The following ITGBL1 variants were observed in gnomAD, a reference collection of about 807,000 sequenced individuals.
The protein encoded by ITGBL1 is integrin subunit beta like 1, also known as integrin beta-like protein 1.
In ITGBL1, 51 loss-of-function variants were observed where a neutral mutation model predicts 68.5. The ratio of observed to expected loss-of-function variants is 0.74; its 90% CI spans 0.59 to 0.94. The LOEUF (loss-of-function observed/expected upper bound fraction) is 0.94, where lower values mean the gene tolerates loss of function less well. ITGBL1 is among the 40% of genes least tolerant of loss of function. The pLI, the probability that ITGBL1 is intolerant of heterozygous loss-of-function variation, is 0.00. For missense variants in ITGBL1, 649 were observed against 647.4 expected (o/e 1.00, Z -0.03); for synonymous variants, 209 against 227.3 (o/e 0.92, Z 0.72).
intron 2 of ITGBL1, among the ~76,000 whole-genome samples, chr13:101,500,554 A>G (rs1037079903): frequency 6.6e-6 from 1 of 152,220 alleles, no homozygotes; most frequent in African/African-American, 2.4e-5. Flanking sequence ...ATCATTTACT[A>G]ATGAATCCTC....
At chr13:101,484,985 GA>G (rs1413729264) in intron 2 of ITGBL1, among the ~76,000 whole-genome samples, 1 of 152,000 alleles carries the variant, frequency 6.6e-6, no homozygotes, top group African/African-American at 2.4e-5. Context: ...AGCATCTAGA[GA>G]AAAAACCGTA....
chr13:101,653,456 C>T (rs535718415), intron 7 of ITGBL1, among the ~76,000 whole-genome samples: 3 of 152,092 alleles, frequency 2.0e-5, no homozygotes, highest in Non-Finnish European at 4.4e-5. Flanking sequence ...GGAAATGCAG[C>T]ACTAAAAACA....
At chr13:101,517,731 A>G (rs1230697648) in intron 2 of ITGBL1, among the ~76,000 whole-genome samples, 1 of 152,226 alleles carries the variant, frequency 6.6e-6, no homozygotes, top group African/African-American at 2.4e-5. Context: ...AGTGTGGTGG[A>G]GGGTTAATCT....
intron 7 of ITGBL1, among the ~76,000 whole-genome samples, chr13:101,603,852 G>A (rs544532914): frequency 6.6e-6 from 1 of 151,858 alleles, no homozygotes; most frequent in African/African-American, 2.4e-5. Flanking sequence ...GAGAACTTTA[G>A]GTACAGTGAT....
At chr13:101,550,761 C>T (rs1594884781) in intron 2 of ITGBL1, among the ~76,000 whole-genome samples, 1 of 152,160 alleles carries the variant, frequency 6.6e-6, no homozygotes, top group Non-Finnish European at 1.5e-5. Context: ...TTAAACTTCA[C>T]ATTCTTTATC....
Position 101,483,983 on chromosome 13 carries a change from A to G in ITGBL1, c.316+29883A>G, listed in dbSNP as rs924789709. ...CCTGAAATGGAAAAACAGTACTTCAAAGTTGAGGCTCTGTGGAACTTCGTC... is the reference window on the plus strand; with the variant it reads ...CCTGAAATGGAAAAACAGTACTTCAGAGTTGAGGCTCTGTGGAACTTCGTC... On this transcript the variant is annotated intron_variant, in intron 2 of 10. Transcript: ENST00000376180. Among the ~76,000 whole-genome samples the G allele has an allele frequency of 3.3e-5, 5 of 152,178 alleles. No individual in the cohort carries two copies. The East Asian group carries it at 9.6e-4, about 29-fold the overall frequency.
intron 2 of ITGBL1, among the ~76,000 whole-genome samples, chr13:101,545,484 G>T (rs761883027): frequency 6.6e-6 from 1 of 152,012 alleles, no homozygotes; most frequent in Non-Finnish European, 1.5e-5. Flanking sequence ...GAAGAGAACA[G>T]AAAACATAGA....
At chr13:101,534,989 T>G (rs2049547721) in intron 2 of ITGBL1, among the ~76,000 whole-genome samples, 1 of 152,140 alleles carries the variant, frequency 6.6e-6, no homozygotes, top group African/African-American at 2.4e-5. Context: ...ACCACCATGC[T>G]TATGGCCTTC....
At chr13:101,528,621 A>T (rs1031879163) in intron 2 of ITGBL1, among the ~76,000 whole-genome samples, 2 of 151,744 alleles carry the variant, frequency 1.3e-5, no homozygotes, top group African/African-American at 4.8e-5. Context: ...TTTATTTGTG[A>T]TTTCTTATTT....
intron 8 of ITGBL1, among the ~76,000 whole-genome samples, chr13:101,694,645 C>A (rs2033962618): frequency 6.6e-6 from 1 of 152,130 alleles, no homozygotes; most frequent in Non-Finnish European, 1.5e-5. Context: ...TGATCTTGAA[C>A]TCCTGGGCTC....
At chr13:101,638,161 G>A (rs2139423866) in intron 7 of ITGBL1, among the ~76,000 whole-genome samples, 1 of 152,302 alleles carries the variant, frequency 6.6e-6, no homozygotes, top group East Asian at 1.9e-4. Flanking sequence ...GGAAGCTCAA[G>A]TCTTCCTCCT....
intron 3 of ITGBL1, among the ~76,000 whole-genome samples, chr13:101,569,027 C>CACACAG (rs2050228461): frequency 1.4e-5 from 1 of 69,318 alleles, no homozygotes; most frequent in Non-Finnish European, 2.8e-5. Flanking sequence ...CCCCTCCAAA[C>CACACAG]ACACACACAC....
At chr13:101,709,150 G>A (rs1049405023) in intron 9 of ITGBL1, among the ~76,000 whole-genome samples, 14 of 151,844 alleles carry the variant, frequency 9.2e-5, no homozygotes, top group Middle Eastern at 3.2e-3. Flanking sequence ...TGGATCATGA[G>A]GTCAGGAGAT....
intron 2 of ITGBL1, among the ~76,000 whole-genome samples, chr13:101,544,815 C>G (rs2049788188): frequency 6.6e-6 from 1 of 152,158 alleles, no homozygotes; most frequent in African/African-American, 2.4e-5. Flanking sequence ...GCTGTGCTAG[C>G]AATGAGCAAG....
At chr13:101,540,485 G>C (rs2049675115) in intron 2 of ITGBL1, among the ~76,000 whole-genome samples, 1 of 152,244 alleles carries the variant, frequency 6.6e-6, no homozygotes, top group Non-Finnish European at 1.5e-5. Flanking sequence ...GTCAGGTAGT[G>C]TGATGCCTCC....
At chr13:101,688,616 T>C (rs2033810272) in intron 7 of ITGBL1, among the ~76,000 whole-genome samples, 1 of 152,154 alleles carries the variant, frequency 6.6e-6, no homozygotes, top group Non-Finnish European at 1.5e-5. Flanking sequence ...TACACAATCA[T>C]ATGTATGTTT....
intron 7 of ITGBL1, among the ~76,000 whole-genome samples, chr13:101,604,775 A>ATCACC (rs1246651819): frequency 7.0e-6 from 1 of 143,308 alleles, no homozygotes; most frequent in Non-Finnish European, 1.5e-5. Context: ...GACAGCCGCC[A>ATCACC]TCACCTCACC....
chr13:101,676,133 C>T (rs2033496111), intron 7 of ITGBL1, among the ~76,000 whole-genome samples: 1 of 151,912 alleles, frequency 6.6e-6, no homozygotes, highest in Non-Finnish European at 1.5e-5. Context: ...TAATCTCTTT[C>T]TATTGTCTGT....
At chr13:101,589,991 A>G (rs537689984) in intron 6 of ITGBL1, among the ~76,000 whole-genome samples, 14 of 152,302 alleles carry the variant, frequency 9.2e-5, no homozygotes, top group African/African-American at 2.4e-4. Flanking sequence ...ATGTTAGGGG[A>G]AAAAGGTTGA....
Sources: allele counts gnomAD v4.1 joint callset (sites outside exome capture counted in the v4.1 genomes callset), GRCh38; gene constraint gnomAD v4.1.1; transcripts MANE v1.5; gene names NCBI Gene and HGNC (gene_info 2026-07-23, HGNC 2026-07-21).